BCAS3: variants seen among roughly 807,000 people sequenced by gnomAD.
BCAS3 encodes the protein BCAS3 microtubule associated cell migration factor, also known as BCAS4/BCAS3 fusion.
In BCAS3, 53 loss-of-function variants were observed where a neutral mutation model predicts 116.1. The ratio of observed to expected loss-of-function variants is 0.46; its 90% CI spans 0.37 to 0.57. The LOEUF is 0.57. Among genes scored for constraint, BCAS3 ranks in the 20% least tolerant of loss-of-function variants. The pLI is 0.00. For synonymous variants in BCAS3, 391 were observed against 408.2 expected, an observed-to-expected ratio of 0.96 and a Z score of 0.51; for missense variants, 917 against 1,165.4, an observed-to-expected ratio of 0.79 and a Z score of 3.10.
chr17:61,376,996 C>T lies in BCAS3; in HGVS notation c.2593+8502C>T, dbSNP rs1170053011. 1.3e-5 allele frequency among the ~76,000 whole-genome samples: 2 copies of T among 152,160 alleles called. No homozygotes were observed. The highest frequency in any genetic ancestry group is 4.8e-5 in the African/African-American group (2 of 41,442). On this transcript the variant is annotated intron_variant, in intron 23 of 23. Coordinates refer to ENST00000407086, the MANE Select transcript of BCAS3 (RefSeq NM_017679.5). The surrounding 1 kb of genome is among the most constrained non-coding windows in gnomAD (Gnocchi z 4.5). ...AAAATAAGAGAGACAAGTTTCCTAC[C>T]CTCAAAGAGATTAAAGCCCCAGAGG...
chr17:60,922,870 T>G (rs1390409049), intron 12 of BCAS3, among the ~76,000 whole-genome samples: 3 of 152,184 alleles, frequency 2.0e-5, no homozygotes, highest in African/African-American at 7.2e-5. Flanking sequence ...TTAGGGACAT[T>G]AGCAAATATT....
At chr17:60,756,669 A>G (rs924091721) in intron 6 of BCAS3, among the ~76,000 whole-genome samples, 1 of 152,106 alleles carries the variant, frequency 6.6e-6, no homozygotes, top group Admixed American at 6.6e-5. Context: ...TTATTTATTC[A>G]TCCATCAATG....
In BCAS3 at chr17:61,248,782, G is replaced by T. The variant is rs532797603; in HGVS notation, c.2426-119545G>T. Among the ~76,000 whole-genome samples the T allele has an allele frequency of 1.3e-5, 2 of 152,144 alleles. No homozygotes were observed. Among genetic ancestry groups the T allele is most frequent in the Middle Eastern group, 3.2e-3 (1 of 316 alleles). ...TACTAGGACACATAGGACAAGATGAGCGACTATTTTAGACCTGTAGGTCAA... is the reference window on the plus strand; with the variant it reads ...TACTAGGACACATAGGACAAGATGATCGACTATTTTAGACCTGTAGGTCAA... On this transcript the variant is annotated intron_variant, in intron 22 of 23. Transcript: ENST00000407086. This position sits in a 1 kb window ranked among gnomAD's most constrained non-coding sequence, Gnocchi z 4.3.
rs894634069 is a variant in BCAS3 at position 61,203,814 on chromosome 17, T to C, written c.2425+119250T>C. Among the ~76,000 whole-genome samples the C allele has an allele frequency of 2.0e-5, 3 of 152,100 alleles. No individual in the cohort carries two copies. The highest frequency in any genetic ancestry group is 7.2e-5 in the African/African-American group (3 of 41,404). ...ATGTTTTCAGTATACGAGTGTCCTCTCCTTGGCACTCAGTTGGGACAGTCA... is the reference window on the plus strand; with the variant it reads ...ATGTTTTCAGTATACGAGTGTCCTCCCCTTGGCACTCAGTTGGGACAGTCA... On this transcript the variant is annotated intron_variant, in intron 22 of 23. Coordinates refer to ENST00000407086, the MANE Select transcript of BCAS3 (RefSeq NM_017679.5). This position sits in a 1 kb window ranked among gnomAD's most constrained non-coding sequence, Gnocchi z 5.7.
chr17:61,025,650 G>A (rs2066188468), intron 16 of BCAS3, among the ~76,000 whole-genome samples: 1 of 152,034 alleles, frequency 6.6e-6, no homozygotes, highest in Admixed American at 6.6e-5. Flanking sequence ...GTACCGCTGG[G>A]TATGTTCTTA....
At chr17:61,270,472 TG>T (rs1427692400) in intron 22 of BCAS3, among the ~76,000 whole-genome samples, 11 of 151,846 alleles carry the variant, frequency 7.2e-5, no homozygotes, top group African/African-American at 2.7e-4. Flanking sequence ...GAGTAGTAGG[TG>T]CTCTTTATAC....
At chr17:60,681,219 T>G (rs2143794546) in intron 2 of BCAS3, among the ~76,000 whole-genome samples, 1 of 151,834 alleles carries the variant, frequency 6.6e-6, no homozygotes, top group Non-Finnish European at 1.5e-5. Context: ...AAAATATATG[T>G]CTGGGCGCAG....
rs1269127450 is a variant in BCAS3 at position 61,124,685 on chromosome 17, GA to G, written c.2425+40127del. Among the ~76,000 whole-genome samples, 4 of 152,032 alleles carry G rather than the reference GA, an allele frequency of 2.6e-5. No individual in the cohort carries two copies. Among genetic ancestry groups the G allele is most frequent in the African/African-American group, 7.2e-5 (3 of 41,404 alleles). ...AATATGAGAGATTTGTCAGCCCTTTGAAAAAATGGTTATAGTTCATTTTCCA... is the reference window on the plus strand; with the variant it reads ...AATATGAGAGATTTGTCAGCCCTTTGAAAAATGGTTATAGTTCATTTTCCA... On this transcript the variant is annotated intron_variant, in intron 22 of 23. Coordinates refer to ENST00000407086, the MANE Select transcript of BCAS3 (RefSeq NM_017679.5). This position sits in a 1 kb window ranked among gnomAD's most constrained non-coding sequence, Gnocchi z 4.6.
intron 22 of BCAS3, among the ~76,000 whole-genome samples, chr17:61,115,123 A>G (rs1317087142): frequency 6.6e-6 from 1 of 151,320 alleles, no homozygotes; most frequent in Non-Finnish European, 1.5e-5. Context: ...GTTAGACCTA[A>G]AACCATAAAA....
At position 61,366,150 on chromosome 17, in the gene BCAS3, A is replaced by C. The variant is rs1307726072; in HGVS notation, c.2426-2177A>C. ...AGAGTGAGACTGTCTCAAAAAAAAA[A>C]AAAAAAGTTGAGCCAACAGGGAGGA... On this transcript the variant is annotated intron_variant, in intron 22 of 23. Transcript: ENST00000407086. This position sits in a 1 kb window ranked among gnomAD's most constrained non-coding sequence, Gnocchi z 4.5. 6.6e-6 allele frequency among the ~76,000 whole-genome samples: 1 copy of C among 152,054 alleles called. No homozygotes were observed. The highest frequency in any genetic ancestry group is 1.9e-4 in the East Asian group (1 of 5,176).
intron 6 of BCAS3, among the ~76,000 whole-genome samples, chr17:60,766,749 T>A (rs1429108365): frequency 6.6e-6 from 1 of 152,226 alleles, no homozygotes; most frequent in African/African-American, 2.4e-5. Flanking sequence ...CAGGGACGTT[T>A]AAGTCTGCAG....
rs1237965285 is a variant in BCAS3 at position 61,049,730 on chromosome 17, C to CTTTTCT, written c.2029+8842_2029+8843insCTTTTT. On this transcript the variant is annotated intron_variant, in intron 19 of 23. Coordinates refer to ENST00000407086, the MANE Select transcript of BCAS3 (RefSeq NM_017679.5). ...TTTTTCTTTTCTTTTCTTTTCTTTT[C>CTTTTCT]TTTTTTTTTTTTTTTTTTTGAGACG... is the stretch of plus-strand genomic sequence containing the variant. 5.3e-3 allele frequency among the ~76,000 whole-genome samples: 635 copies of CTTTTCT among 120,846 alleles called. 6 individuals are homozygous for CTTTTCT. Among genetic ancestry groups the CTTTTCT allele is most frequent in the Non-Finnish European group, 8.6e-3 (509 of 59,110 alleles). The allele number at this position is 120,846 out of a possible 152,430, so 79.3% of individuals were successfully genotyped here. A position where few individuals can be genotyped will look rare whatever the true frequency, so the allele number is the denominator to read the frequency against.
intron 22 of BCAS3, among the ~76,000 whole-genome samples, chr17:61,271,736 T>C (rs12948263): frequency 0.86 from 129,905 of 151,738 alleles, 55,770 homozygotes; most frequent in South Asian, 0.92. Context: ...GGATTACAGG[T>C]GTGAGCCATC....
At chr17:61,273,179 C>T (rs1480281795) in intron 22 of BCAS3, among the ~76,000 whole-genome samples, 2 of 151,218 alleles carry the variant, frequency 1.3e-5, no homozygotes, top group African/African-American at 4.9e-5. Flanking sequence ...ATGATCATGG[C>T]TCACTGGCAG....
intron 22 of BCAS3, among the ~76,000 whole-genome samples, chr17:61,321,922 TTTTG>T (rs371688049): frequency 1.3e-3 from 188 of 145,826 alleles, no homozygotes; most frequent in Middle Eastern, 3.4e-3. Context: ...CTATCCCGTT[TTTTG>T]TTTGTTTGTT....
intron 6 of BCAS3, among the ~76,000 whole-genome samples, chr17:60,788,428 G>C (rs2046472160): frequency 6.6e-6 from 1 of 152,138 alleles, no homozygotes; most frequent in Non-Finnish European, 1.5e-5. Context: ...AAGTGAAATA[G>C]AAGGTACCAT....
intron 19 of BCAS3, among the ~76,000 whole-genome samples, chr17:61,044,123 T>G (rs576334589): frequency 1.3e-4 from 20 of 151,994 alleles, no homozygotes; most frequent in African/African-American, 4.3e-4. Flanking sequence ...TATTCAGAAG[T>G]TTACTGATGT....
intron 7 of BCAS3, chr17:60,811,045 T>C (rs374006479): frequency 1.8e-5 from 12 of 648,788 alleles, no homozygotes; most frequent in Middle Eastern, 4.2e-4. Context: ...AGCTGCTGCG[T>C]TGATTCTCAT....
At chr17:60,720,775 C>T (rs1319826175) in intron 5 of BCAS3, among the ~76,000 whole-genome samples, 1 of 152,132 alleles carries the variant, frequency 6.6e-6, no homozygotes, top group Non-Finnish European at 1.5e-5. Flanking sequence ...AGATACCATG[C>T]CATTTTATAA....
Sources: allele counts gnomAD v4.1 joint callset (sites outside exome capture counted in the v4.1 genomes callset), GRCh38; gene constraint gnomAD v4.1.1; non-coding constraint Gnocchi (gnomAD v3.1); transcripts MANE v1.5; gene names NCBI Gene and HGNC (gene_info 2026-07-23, HGNC 2026-07-21).